EVC: variants seen among roughly 807,000 people sequenced by gnomAD.
The protein encoded by EVC is EvC ciliary complex subunit 1.
A neutral mutation model predicts 118.9 loss-of-function variants in EVC; 116 were observed. The observed-to-expected ratio is 0.98, with a 90% CI of 0.84 to 1.14. The LOEUF (loss-of-function observed/expected upper bound fraction) is 1.14, where lower values mean the gene tolerates loss of function less well. Among genes scored for constraint, EVC ranks in the 50% most tolerant of loss-of-function variants. The pLI, the probability that EVC is intolerant of heterozygous loss-of-function variation, is 0.00. For missense variants in EVC, 1,401 were observed against 1,246.4 expected (o/e 1.12, Z -1.87); for synonymous variants, 619 against 534.7 (o/e 1.16, Z -2.18).
chr4:5,731,791 C>A lies in EVC; in HGVS notation c.617+134C>A. The stretch of plus-strand genomic sequence containing the variant: ...CTGCCAGGGACACACAGCGACCCAG[C>A]GTCACCATCGGAGCCCCAGAGGCCT... On this transcript the variant is annotated intron_variant, in intron 4 of 20. Transcript: ENST00000264956. This position sits in a 1 kb window ranked among gnomAD's most constrained non-coding sequence, Gnocchi z 5.6. 3.4e-6 allele frequency: 3 copies of A among 884,838 alleles called. No individual in the cohort carries two copies. The highest frequency in any genetic ancestry group is 5.5e-6 in the Non-Finnish European group (3 of 549,540). The allele number at this position is 884,838 out of a possible 1,614,324, so 54.8% of individuals were successfully genotyped here.
chr4:5,817,250 T>A (rs1484588027), downstream of EVC, among the ~76,000 whole-genome samples: 1 of 152,198 alleles, frequency 6.6e-6, no homozygotes, highest in East Asian at 1.9e-4. Flanking sequence ...TATAGAGGCT[T>A]CCTGCACCGT....
At chr4:5,779,169 C>T (rs987927890) in intron 11 of EVC, among the ~76,000 whole-genome samples, 1 of 151,062 alleles carries the variant, frequency 6.6e-6, no homozygotes, top group Admixed American at 6.6e-5. Context: ...GGCATTATTT[C>T]TGAGGGCTCT....
At position 5,747,998 on chromosome 4, in the gene EVC, T is replaced by C. The variant is rs576076928; in HGVS notation, c.940-150T>C. 62 of 890,556 alleles carry C rather than the reference T, an allele frequency of 7.0e-5. No homozygotes were observed. Among genetic ancestry groups the C allele is most frequent in the Non-Finnish European group, 1.0e-4 (57 of 559,318 alleles). The allele number at this position is 890,556 out of a possible 1,614,324, so 55.2% of individuals were successfully genotyped here. A position where few individuals can be genotyped will look rare whatever the true frequency, so the allele number is the denominator to read the frequency against. ...GAAAGAACTTCACTGTAGAACGTGA[T>C]TGTTGCCAAGATAAACTCACTGAAA... On this transcript the variant is annotated intron_variant, in intron 7 of 20. Coordinates refer to ENST00000264956, the MANE Select transcript of EVC (RefSeq NM_153717.3).
At chr4:5,760,572 G>A (rs1425144166) in intron 11 of EVC, among the ~76,000 whole-genome samples, 1 of 152,088 alleles carries the variant, frequency 6.6e-6, no homozygotes, top group Non-Finnish European at 1.5e-5. Flanking sequence ...TTTGTTTTCA[G>A]ACAGAGTTTA....
intron 13 of EVC, among the ~76,000 whole-genome samples, chr4:5,796,762 G>T (rs1291105553): frequency 1.3e-5 from 2 of 151,806 alleles, no homozygotes; most frequent in Non-Finnish European, 2.9e-5. Context: ...AATTCTAGTG[G>T]CTGCATACCA....
chr4:5,750,140 C>A (rs990253086), intron 8 of EVC, among the ~76,000 whole-genome samples: 2 of 152,170 alleles, frequency 1.3e-5, no homozygotes, highest in Non-Finnish European at 2.9e-5. Flanking sequence ...AGTGATCCAC[C>A]TAAGATCCCC....
intron 11 of EVC, among the ~76,000 whole-genome samples, chr4:5,766,182 T>G (rs1732832827): frequency 6.6e-6 from 1 of 151,008 alleles, no homozygotes; most frequent in East Asian, 1.9e-4. Context: ...TGGCTGGATA[T>G]GAAATTCTGG....
intron 11 of EVC, among the ~76,000 whole-genome samples, chr4:5,782,813 A>G (rs565348327): frequency 6.6e-6 from 1 of 152,262 alleles, no homozygotes; most frequent in African/African-American, 2.4e-5. Context: ...CGTGAAGTTT[A>G]TGAAAATAAC....
intron 16 of EVC, among the ~76,000 whole-genome samples, chr4:5,803,469 T>C (rs1445023928): frequency 6.6e-6 from 1 of 152,168 alleles, no homozygotes. Context: ...CTGCAGAACA[T>C]TCCAGAACTG....
chr4:5,731,679 G>A lies in EVC; in HGVS notation c.617+22G>A. Reference sequence around the variant, plus strand: ...AGAGGTAAGGAGAGCGGGCAATGGAGGATGAGGCTTCCAGTCCTCTTGGAG... The same window carrying A: ...AGAGGTAAGGAGAGCGGGCAATGGAAGATGAGGCTTCCAGTCCTCTTGGAG... On this transcript the variant is annotated intron_variant, in intron 4 of 20. Transcript: ENST00000264956. The surrounding 1 kb of genome is among the most constrained non-coding windows in gnomAD (Gnocchi z 5.6). 1 of 1,601,028 alleles carries A rather than the reference G, an allele frequency of 6.2e-7. No individual in the cohort carries two copies. The highest frequency in any genetic ancestry group is 2.2e-5 in the East Asian group (1 of 44,510).
intron 12 of EVC, among the ~76,000 whole-genome samples, chr4:5,787,082 G>A (rs1268575462): frequency 6.6e-6 from 1 of 152,158 alleles, no homozygotes; most frequent in Non-Finnish European, 1.5e-5. Context: ...AAAAGACAGT[G>A]GGTCGTTTCA....
chr4:5,809,420 G>A, intron 18 of EVC, 98 bp from the exon 19 acceptor site: 5 of 1,074,256 alleles, frequency 4.7e-6, no homozygotes. Context: ...GTGGTCTTCA[G>A]TGGCCAGCCT....
intron 11 of EVC, among the ~76,000 whole-genome samples, chr4:5,758,535 G>T (rs1731529632): frequency 6.6e-6 from 1 of 152,134 alleles, no homozygotes; most frequent in African/African-American, 2.4e-5. Context: ...AAAGCCCTGG[G>T]GCCCACAGAC....
intron 11 of EVC, among the ~76,000 whole-genome samples, chr4:5,776,033 T>A (rs1577532416): frequency 6.6e-6 from 1 of 152,130 alleles, no homozygotes; most frequent in Non-Finnish European, 1.5e-5. Context: ...TGTTTTTTTT[T>A]AATCAAGTTA....
intron 8 of EVC, 180 bp from the exon 9 acceptor site, chr4:5,752,656 C>T (rs998538306): frequency 1.4e-6 from 1 of 704,090 alleles, no homozygotes; most frequent in Non-Finnish European, 2.5e-6. Context: ...TAATCCCCAC[C>T]TCGGGGGCAG....
At chr4:5,803,072 G>C (rs1372783257) in intron 16 of EVC, among the ~76,000 whole-genome samples, 1 of 152,214 alleles carries the variant, frequency 6.6e-6, no homozygotes, top group African/African-American at 2.4e-5. Context: ...ATGGGCTCTT[G>C]TAAAAGGCCA....
intron 11 of EVC, among the ~76,000 whole-genome samples, chr4:5,760,178 C>T (rs1396273762): frequency 6.6e-6 from 1 of 152,048 alleles, no homozygotes; most frequent in African/African-American, 2.4e-5. Context: ...TTCCTTTTTG[C>T]TTAGTGATTT....
At chr4:5,757,752 T>A (rs1247104497) in intron 11 of EVC, among the ~76,000 whole-genome samples, 1 of 152,186 alleles carries the variant, frequency 6.6e-6, no homozygotes, top group Non-Finnish European at 1.5e-5. Context: ...TCATCTAACC[T>A]TAATTACCTC....
At chr4:5,720,506 TCCTGTTCCGC>T (rs139041102) in intron 2 of EVC, among the ~76,000 whole-genome samples, 4,743 of 152,228 alleles carry the variant, frequency 0.031, 221 homozygotes, top group African/African-American at 0.11. Flanking sequence ...ACCTGTTCCA[TCCTGTTCCGC>T]AGCCTTAGCT....
Sources: gnomAD v4.1 joint callset for allele counts (sites outside exome capture counted in the v4.1 genomes callset) on GRCh38, gnomAD v4.1.1 for gene constraint, Gnocchi (gnomAD v3.1) non-coding constraint, MANE v1.5 for transcripts, NCBI Gene and HGNC (gene_info 2026-07-23, HGNC 2026-07-21) for gene names.